PHLDB2: variants seen among roughly 807,000 people sequenced by gnomAD.
PHLDB2 encodes the protein pleckstrin homology like domain family B member 2.
PHLDB2 carries 71 observed loss-of-function variants against 123.6 expected under a neutral mutation model. The ratio of observed to expected loss-of-function variants is 0.57; its 90% CI spans 0.47 to 0.70. The LOEUF (loss-of-function observed/expected upper bound fraction) is 0.70, where lower values mean the gene tolerates loss of function less well. PHLDB2 is among the 30% of genes least tolerant of loss of function. The pLI, the probability that PHLDB2 is intolerant of heterozygous loss-of-function variation, is 0.00. For synonymous variants in PHLDB2, 547 were observed against 541.6 expected, an observed-to-expected ratio of 1.01 and a Z score of -0.14; for missense variants, 1,446 against 1,519.5, an observed-to-expected ratio of 0.95 and a Z score of 0.80.
intron 1 of PHLDB2, among the ~76,000 whole-genome samples, chr3:111,876,860 G>A (rs886152930): frequency 5.9e-5 from 9 of 152,094 alleles, no homozygotes; most frequent in Non-Finnish European, 1.5e-5. Flanking sequence ...TGAGAATTAT[G>A]GTTTCCAGCA....
At chr3:111,925,808 G>A (rs149903216) in intron 5 of PHLDB2, among the ~76,000 whole-genome samples, 477 of 152,246 alleles carry the variant, frequency 3.1e-3, no homozygotes, top group Admixed American at 9.2e-3. Context: ...TGTTTGCGTA[G>A]GTTTTCTGTC....
intron 2 of PHLDB2, among the ~76,000 whole-genome samples, chr3:111,850,391 A>G (rs2064198878): frequency 6.6e-6 from 1 of 152,224 alleles, no homozygotes; most frequent in Non-Finnish European, 1.5e-5. Context: ...ATCAAAATTC[A>G]TCACTATATA....
chr3:111,848,525 A>C (rs2064112979), intron 2 of PHLDB2, among the ~76,000 whole-genome samples: 1 of 152,162 alleles, frequency 6.6e-6, no homozygotes, highest in African/African-American at 2.4e-5. Flanking sequence ...CCCAAACAGC[A>C]CTCCAAGTGT....
Position 111,974,606 on chromosome 3 carries a change from C to T in PHLDB2, c.*43C>T. ...CCACTTCAGGGCAGACGGCAATAATCTCTTACAAGAATGAAGCCATATTCA... is the reference window on the plus strand; with the variant it reads ...CCACTTCAGGGCAGACGGCAATAATTTCTTACAAGAATGAAGCCATATTCA... On this transcript the variant is annotated 3_prime_UTR_variant, in exon 18 of 18. Coordinates refer to ENST00000431670, the MANE Select transcript of PHLDB2 (RefSeq NM_001134438.2). 6.5e-7 allele frequency: 1 copy of T among 1,542,356 alleles called. No homozygotes were observed. The highest frequency in any genetic ancestry group is 8.8e-7 in the Non-Finnish European group (1 of 1,141,664).
intron 1 of PHLDB2, among the ~76,000 whole-genome samples, chr3:111,789,945 C>T (rs1264474098): frequency 2.6e-5 from 4 of 152,164 alleles, no homozygotes; most frequent in African/African-American, 9.7e-5. Context: ...CTTCACATGG[C>T]AGATTCTATC....
At chr3:111,960,556 A>G (rs886389614) in intron 12 of PHLDB2, among the ~76,000 whole-genome samples, 3 of 152,218 alleles carry the variant, frequency 2.0e-5, no homozygotes, top group Non-Finnish European at 4.4e-5. Context: ...TGCTTTGTTA[A>G]GGCATCATGG....
intron 1 of PHLDB2, among the ~76,000 whole-genome samples, chr3:111,872,867 A>G (rs2065415051): frequency 6.6e-6 from 1 of 152,230 alleles, no homozygotes; most frequent in Non-Finnish European, 1.5e-5. Flanking sequence ...AAATATACAT[A>G]TACATTCAGC....
Position 111,870,693 on chromosome 3 carries a change from C to T in PHLDB2, c.-15+11117C>T, listed in dbSNP as rs116354102. On this transcript the variant is annotated intron_variant, in intron 1 of 17. Coordinates refer to ENST00000431670, the MANE Select transcript of PHLDB2 (RefSeq NM_001134438.2). ...AGGCCCCATCTGCTGCCATTGGTCA[C>T]CACAGAAATACCCCCACAGAATTCC... 5.0e-3 allele frequency among the ~76,000 whole-genome samples: 767 copies of T among 152,174 alleles called. 11 individuals are homozygous for T. The highest frequency in any genetic ancestry group is 0.017 in the African/African-American group (725 of 41,492).
intron 1 of PHLDB2, among the ~76,000 whole-genome samples, chr3:111,794,777 G>A (rs999046953): frequency 2.0e-5 from 3 of 152,152 alleles, no homozygotes; most frequent in African/African-American, 7.2e-5. Flanking sequence ...TGAATGGTAA[G>A]GCATTTGATC....
chr3:111,758,762 A>C (rs534238269), intron 1 of PHLDB2, among the ~76,000 whole-genome samples: 3 of 152,314 alleles, frequency 2.0e-5, no homozygotes, highest in African/African-American at 7.2e-5. Flanking sequence ...CCACAAAAAA[A>C]TTTCAAGTGC....
rs2066098679 is a variant in PHLDB2, at chr3:111,885,352, G to A, written c.1275G>A (p.Leu425=). The change falls in exon 2 of 18, where the codon CTG becomes CTA. Residue 425 remains leucine (L), a synonymous_variant. Coordinates refer to ENST00000431670, the MANE Select transcript of PHLDB2 (RefSeq NM_001134438.2). ...GCTCCATTTCAGGACGTGATGACCT[G>A]ATGGATTATCACCGGCGGCAGAGGG... ...SISSISGRDD[L]MDYHRRQREE... 3 of 1,614,020 alleles carry A rather than the reference G, an allele frequency of 1.9e-6. No individual in the cohort carries two copies. Among genetic ancestry groups the A allele is most frequent in the African/African-American group, 1.3e-5 (1 of 74,920 alleles).
intron 1 of PHLDB2, chr3:111,845,699 G>C (rs999315327): frequency 1.2e-4 from 133 of 1,103,128 alleles, no homozygotes; most frequent in Non-Finnish European, 1.7e-4. Flanking sequence ...AACTTCAGCA[G>C]TAGTTAGTTT....
intron 1 of PHLDB2, among the ~76,000 whole-genome samples, chr3:111,771,196 C>A (rs973344897): frequency 6.6e-6 from 1 of 152,224 alleles, no homozygotes; most frequent in African/African-American, 2.4e-5. Context: ...GTGGCTTACA[C>A]AACATAATTT....
intron 1 of PHLDB2, among the ~76,000 whole-genome samples, chr3:111,881,896 A>T (rs2065947395): frequency 6.6e-6 from 1 of 151,918 alleles, no homozygotes. Flanking sequence ...GTACCCATGT[A>T]GTTCAATCCT....
chr3:111,947,624 T>A (rs2070399541), intron 9 of PHLDB2, among the ~76,000 whole-genome samples: 1 of 152,230 alleles, frequency 6.6e-6, no homozygotes, highest in Non-Finnish European at 1.5e-5. Flanking sequence ...CAGTCGACTA[T>A]TAACTGAGCA....
At chr3:111,971,165 T>A (rs1032829052) in intron 16 of PHLDB2, among the ~76,000 whole-genome samples, 2 of 152,264 alleles carry the variant, frequency 1.3e-5, no homozygotes, top group Non-Finnish European at 2.9e-5. Context: ...TACAATTTGA[T>A]GTCTGCACAC....
intron 1 of PHLDB2, among the ~76,000 whole-genome samples, chr3:111,834,242 AG>A (rs2063278820): frequency 1.1e-5 from 1 of 93,090 alleles, no homozygotes; most frequent in African/African-American, 8.2e-5. Context: ...TGTATATAAT[AG>A]AATTATATAT....
chr3:111,805,800 G>T (rs1438102200), intron 1 of PHLDB2, among the ~76,000 whole-genome samples: 2 of 145,922 alleles, frequency 1.4e-5, no homozygotes, highest in Non-Finnish European at 3.0e-5. Context: ...TTGGGATGAT[G>T]GAAATGTTTA....
At chr3:111,836,297 C>A (rs756525596) in intron 1 of PHLDB2, among the ~76,000 whole-genome samples, 2 of 152,292 alleles carry the variant, frequency 1.3e-5, no homozygotes, top group South Asian at 2.1e-4. Flanking sequence ...AAGTCCCCAA[C>A]AGAGCACAGT....
Sources: allele counts gnomAD v4.1 joint callset (sites outside exome capture counted in the v4.1 genomes callset), GRCh38; gene constraint gnomAD v4.1.1; transcripts MANE v1.5; gene names NCBI Gene and HGNC (gene_info 2026-07-23, HGNC 2026-07-21).